Variants in YARS1 observed in about 807,000 individuals in gnomAD.
YARS1 encodes tyrosyl-tRNA synthetase 1.
Under a neutral mutation model 62.2 loss-of-function variants are expected in YARS1, and 36 were observed. The ratio of observed to expected loss-of-function variants is 0.58; its 90% confidence interval spans 0.44 to 0.76. YARS1 has a LOEUF of 0.76. Ranked by LOEUF, YARS1 falls within the 30% of genes least tolerant of loss-of-function variation. The pLI is 0.00. For missense variants in YARS1, 524 were observed against 639.8 expected (o/e 0.82, Z 1.95); for synonymous variants, 234 against 244.9 (o/e 0.96, Z 0.42).
chr1:32,788,046 T>C (rs1557451110), intron 6 of YARS1, among the ~76,000 whole-genome samples: 1 of 152,112 alleles, frequency 6.6e-6, no homozygotes, highest in African/African-American at 2.4e-5. Flanking sequence ...AGGTTGAAAG[T>C]GCAGTGAGGC....
Position 32,789,587 on chromosome 1 carries a change from C to A in YARS1, c.684+1575G>T, listed in dbSNP as rs538941143. Among the ~76,000 whole-genome samples, 7 of 148,592 alleles carry A rather than the reference C, an allele frequency of 4.7e-5. No homozygotes were observed. The South Asian group carries it at 1.3e-3, about 27-fold the overall frequency. ...CAAAATCTCTTGGGATTGGGCCAGG[C>A]ATTTTTTTTTTTTTTTTTTAAGACG... On this transcript the variant is annotated intron_variant, in intron 6 of 12. Coordinates refer to ENST00000373477, the MANE Select transcript of YARS1 (RefSeq NM_003680.4).
intron 12 of YARS1, among the ~76,000 whole-genome samples, chr1:32,778,031 G>A (rs1270692898): frequency 1.3e-5 from 2 of 152,132 alleles, no homozygotes; most frequent in Non-Finnish European, 2.9e-5. Context: ...AGGAAAGGAG[G>A]GAGTGGGCAA....
intron 7 of YARS1, 187 bp from the exon 8 acceptor site, chr1:32,786,634 T>C (rs1569721982): frequency 2.7e-6 from 2 of 732,910 alleles, no homozygotes; most frequent in East Asian, 5.4e-5. Flanking sequence ...TCTCAGCTGC[T>C]TCAGGGGAAG....
At position 32,797,861 on chromosome 1, in the gene YARS1, T is replaced by A; in HGVS notation, c.511-18A>T. The A allele has an allele frequency of 6.2e-7, 1 of 1,607,412 alleles. No homozygotes were observed. Among genetic ancestry groups the A allele is most frequent in the Non-Finnish European group, 8.5e-7 (1 of 1,174,246 alleles). ...TCCAAAGCCTGTGGAAAGAAACACA[T>A]GAACATAAACATCTACTTTATTTTT... On this transcript the variant is annotated intron_variant, in intron 4 of 12. Coordinates refer to ENST00000373477, the MANE Select transcript of YARS1 (RefSeq NM_003680.4).
chr1:32,795,425 C>T (rs1569741593), intron 5 of YARS1, among the ~76,000 whole-genome samples: 1 of 152,130 alleles, frequency 6.6e-6, no homozygotes, highest in East Asian at 1.9e-4. Context: ...GTAAAAATAT[C>T]TAACTTAAAC....
chr1:32,804,214 C>T (rs1207283263), intron 4 of YARS1, among the ~76,000 whole-genome samples: 3 of 152,262 alleles, frequency 2.0e-5, no homozygotes, highest in Admixed American at 1.3e-4. Flanking sequence ...TCGACAAAAC[C>T]GCCATCGTCA....
chr1:32,797,997 A>C, intron 4 of YARS1, 154 bp from the exon 5 acceptor site: 4 of 662,668 alleles, frequency 6.0e-6, no homozygotes, highest in Non-Finnish European at 1.1e-5. Context: ...CAGCCTCCCG[A>C]GTAGTTGGGA....
At chr1:32,788,904 G>A (rs890350085) in intron 6 of YARS1, among the ~76,000 whole-genome samples, 1 of 151,854 alleles carries the variant, frequency 6.6e-6, no homozygotes, top group African/African-American at 2.4e-5. Context: ...GGCCCACTGC[G>A]ACCTTTGCCT....
chr1:32,791,012 C>G (rs1436626405), intron 6 of YARS1, 150 bp downstream of exon 6: 2 of 771,028 alleles, frequency 2.6e-6, no homozygotes, highest in Non-Finnish European at 4.6e-6. Context: ...CTTTGATACT[C>G]AAGAACCACT....
chr1:32,783,618 T>C (rs1039319928), intron 8 of YARS1: 1 of 152,176 alleles, frequency 6.6e-6, no homozygotes, highest in Non-Finnish European at 1.5e-5. Context: ...TGACTGCCTT[T>C]TTTATATCTC....
chr1:32,807,926 T>A (rs79622512), intron 3 of YARS1, among the ~76,000 whole-genome samples: 1 of 152,146 alleles, frequency 6.6e-6, no homozygotes, highest in African/African-American at 2.4e-5. Context: ...TTTTTTGTTT[T>A]TGAGACAGGA....
At chr1:32,782,610 T>G in intron 8 of YARS1, 71 bp from the exon 9 acceptor site, 2 of 1,604,746 alleles carry the variant, frequency 1.2e-6, no homozygotes, top group Non-Finnish European at 1.7e-6. Flanking sequence ...TCCAAAAAAG[T>G]AGGATCAAGG....
At chr1:32,782,378 G>T in intron 9 of YARS1, 26 bp downstream of exon 9, 1 of 1,613,884 alleles carries the variant, frequency 6.2e-7, no homozygotes, top group Non-Finnish European at 8.5e-7. Context: ...TCCTGATGAT[G>T]TCGGCCCCTC....
chr1:32,800,915 T>G (rs562933151), intron 4 of YARS1, among the ~76,000 whole-genome samples: 3 of 152,206 alleles, frequency 2.0e-5, no homozygotes, highest in Non-Finnish European at 4.4e-5. Context: ...TACAAATATA[T>G]GTGCACACAA....
intron 4 of YARS1, among the ~76,000 whole-genome samples, chr1:32,805,098 C>G (rs1349621912): frequency 3.3e-5 from 5 of 151,990 alleles, no homozygotes; most frequent in Non-Finnish European, 7.4e-5. Flanking sequence ...CGTGGCGGCA[C>G]GCGCCTGCAA....
chr1:32,775,965 GA>G lies in YARS1; in HGVS notation c.*15del. On this transcript the variant is annotated 3_prime_UTR_variant, in exon 13 of 13. Transcript: ENST00000373477. ...ATGACTCAGTGGTGGAAGAAGGGGG[GA>G]AGATGCTGGGCTGGCTAGCTAATGT... 1 of 1,598,264 alleles carries G rather than the reference GA, an allele frequency of 6.3e-7. No individual in the cohort carries two copies. The highest frequency in any genetic ancestry group is 1.7e-4 in the Middle Eastern group (1 of 5,910).
Position 32,779,539 on chromosome 1 carries a change from A to C in YARS1, c.1335-16T>G, listed in dbSNP as rs1455452066. 6.2e-7 allele frequency: 1 copy of C among 1,614,162 alleles called. No individual in the cohort carries two copies. Among genetic ancestry groups the C allele is most frequent in the South Asian group, 1.1e-5 (1 of 91,076 alleles). ...TATCCCTTCTCTGGGAAGACACAGG[A>C]CAAGAGAAGAGTGAGGCTATGGATG... is the stretch of plus-strand genomic sequence containing the variant. On this transcript the variant is annotated splice_polypyrimidine_tract_variant and intron_variant, in intron 11 of 12. Coordinates refer to ENST00000373477, the MANE Select transcript of YARS1 (RefSeq NM_003680.4).
chr1:32,777,026 C>T (rs1305083600), intron 12 of YARS1, among the ~76,000 whole-genome samples: 7 of 148,302 alleles, frequency 4.7e-5, no homozygotes, highest in Admixed American at 6.9e-5. Context: ...ACAGTGCAAC[C>T]CCTCAATTTT....
At chr1:32,803,738 CTT>C (rs1282400425) in intron 4 of YARS1, among the ~76,000 whole-genome samples, 1 of 147,632 alleles carries the variant, frequency 6.8e-6, no homozygotes, top group African/African-American at 2.5e-5. Context: ...TCACCTTGCA[CTT>C]TTTTTTTTTA....
Sources: gnomAD v4.1 joint callset for allele counts (sites outside exome capture counted in the v4.1 genomes callset) on GRCh38, gnomAD v4.1.1 for gene constraint, MANE v1.5 for transcripts, NCBI Gene and HGNC (gene_info 2026-07-23, HGNC 2026-07-21) for gene names.